LHFPL3: variants seen among roughly 807,000 people sequenced by gnomAD.
The protein encoded by LHFPL3 is LHFPL tetraspan subfamily member 3 protein.
In LHFPL3, 5 loss-of-function variants were observed where a neutral mutation model predicts 19.3. The ratio of observed to expected loss-of-function variants is 0.26; its 90% CI spans 0.14 to 0.54. The LOEUF is 0.54. LHFPL3 is among the 20% of genes least tolerant of loss of function. LHFPL3 has a pLI of 0.94. For missense variants in LHFPL3, 249 were observed against 307.4 expected, an observed-to-expected ratio of 0.81 and a Z score of 1.42; for synonymous variants, 133 against 126.2, an observed-to-expected ratio of 1.05 and a Z score of -0.36.
intron 2 of LHFPL3, among the ~76,000 whole-genome samples, chr7:104,795,841 A>G (rs1241716763): frequency 1.3e-5 from 2 of 152,172 alleles, no homozygotes; most frequent in African/African-American, 4.8e-5. Flanking sequence ...GACTTCCCCC[A>G]AACTACTTGA....
At chr7:104,484,478 G>A (rs551487042) in intron 1 of LHFPL3, among the ~76,000 whole-genome samples, 3 of 152,300 alleles carry the variant, frequency 2.0e-5, no homozygotes, top group East Asian at 3.9e-4. Context: ...AATCAATGGG[G>A]TATGTTTTCT....
chr7:104,398,040 ATTATC>A (rs766106232), intron 1 of LHFPL3, among the ~76,000 whole-genome samples: 51 of 148,376 alleles, frequency 3.4e-4, no homozygotes, highest in Non-Finnish European at 5.6e-4. Context: ...TGACATGGGT[ATTATC>A]TTCTATGCAT....
intron 1 of LHFPL3, among the ~76,000 whole-genome samples, chr7:104,431,447 A>G (rs535868812): frequency 4.3e-4 from 65 of 152,300 alleles, no homozygotes; most frequent in African/African-American, 1.5e-3. Flanking sequence ...GTTTTGAGTC[A>G]TATTCTTTTG....
intron 1 of LHFPL3, among the ~76,000 whole-genome samples, chr7:104,443,615 G>A (rs575778010): frequency 1.3e-5 from 2 of 152,348 alleles, no homozygotes; most frequent in East Asian, 3.9e-4. Context: ...ACAAGGACAT[G>A]TAGCTGTAAA....
rs1791218302 is a variant in LHFPL3 at position 104,397,653 on chromosome 7, T to A, written c.445+68429T>A. Among the ~76,000 whole-genome samples, 4 of 152,206 alleles carry A rather than the reference T, an allele frequency of 2.6e-5. No homozygotes were observed. The South Asian group carries it at 8.3e-4, about 32-fold the overall frequency. Reference sequence around the variant, plus strand: ...ACTCTAGTGACAGAGGGAGGGACATTTCTTACTCTCCAGCAGCCCGCTTCT... The same window carrying A: ...ACTCTAGTGACAGAGGGAGGGACATATCTTACTCTCCAGCAGCCCGCTTCT... On this transcript the variant is annotated intron_variant, in intron 1 of 2. Coordinates refer to ENST00000424859, the MANE Select transcript of LHFPL3 (RefSeq NM_199000.3).
At chr7:104,459,608 C>G (rs530016296) in intron 1 of LHFPL3, among the ~76,000 whole-genome samples, 1 of 152,302 alleles carries the variant, frequency 6.6e-6, no homozygotes, top group South Asian at 2.1e-4. Context: ...TTGTTCCTAG[C>G]TGTGTAACAC....
intron 1 of LHFPL3, among the ~76,000 whole-genome samples, chr7:104,334,286 C>G (rs1383258492): frequency 6.6e-6 from 1 of 152,202 alleles, no homozygotes; most frequent in East Asian, 1.9e-4. Flanking sequence ...GTGGCTCACA[C>G]CTGTAATCGC....
chr7:104,555,531 C>T (rs1235896215), intron 1 of LHFPL3, among the ~76,000 whole-genome samples: 1 of 152,202 alleles, frequency 6.6e-6, no homozygotes, highest in Admixed American at 6.5e-5. Flanking sequence ...TTCACTATCA[C>T]AAGAACAGCA....
At chr7:104,906,071 T>C (rs904255864) in intron 2 of LHFPL3, 116 bp from the exon 3 acceptor site, 1 of 935,944 alleles carries the variant, frequency 1.1e-6, no homozygotes, top group Middle Eastern at 2.2e-4. Flanking sequence ...TTTGAACCAT[T>C]CATTGGTATA....
intron 1 of LHFPL3, among the ~76,000 whole-genome samples, chr7:104,652,797 C>T (rs986556617): frequency 6.6e-6 from 1 of 152,080 alleles, no homozygotes; most frequent in African/African-American, 2.4e-5. Context: ...TAGGGAAGAG[C>T]GTCTAGGGAA....
intron 1 of LHFPL3, among the ~76,000 whole-genome samples, chr7:104,364,625 G>A (rs1790450801): frequency 6.6e-6 from 1 of 152,190 alleles, no homozygotes; most frequent in Non-Finnish European, 1.5e-5. Context: ...GAAAGGATAG[G>A]GTGTTAGGAG....
intron 2 of LHFPL3, among the ~76,000 whole-genome samples, chr7:104,776,700 T>C (rs1460769609): frequency 6.6e-6 from 1 of 152,236 alleles, no homozygotes; most frequent in East Asian, 1.9e-4. Context: ...AAAGTATTCA[T>C]ACTGGCATAT....
At chr7:104,551,861 G>T (rs935525338) in intron 1 of LHFPL3, among the ~76,000 whole-genome samples, 1 of 152,190 alleles carries the variant, frequency 6.6e-6, no homozygotes, top group Admixed American at 6.5e-5. Flanking sequence ...TACAAGAGGA[G>T]ATCCTTATTT....
intron 1 of LHFPL3, among the ~76,000 whole-genome samples, chr7:104,366,906 TAAATC>T (rs915182463): frequency 3.9e-5 from 6 of 152,244 alleles, no homozygotes; most frequent in African/African-American, 1.2e-4. Context: ...AAAGAAAAAA[TAAATC>T]AAACAGCCAG....
chr7:104,806,661 G>A (rs901586160), intron 2 of LHFPL3, among the ~76,000 whole-genome samples: 6 of 152,030 alleles, frequency 3.9e-5, no homozygotes, highest in African/African-American at 1.2e-4. Context: ...AAATTCTGTT[G>A]ACAATTCTAG....
intron 1 of LHFPL3, among the ~76,000 whole-genome samples, chr7:104,509,316 G>C (rs2115762878): frequency 6.6e-6 from 1 of 151,620 alleles, no homozygotes; most frequent in Non-Finnish European, 1.5e-5. Context: ...CACTTCTCAT[G>C]AATATCAACT....
In LHFPL3 at chr7:104,794,480, C is replaced by T. The variant is rs113455736; in HGVS notation, c.682+57569C>T. ...TGTTGATAGCAAAGAAGTAGAATTACGGTGGCTGTCAGTGTGAGCCCTACT... is the reference window on the plus strand; with the variant it reads ...TGTTGATAGCAAAGAAGTAGAATTATGGTGGCTGTCAGTGTGAGCCCTACT... On this transcript the variant is annotated intron_variant, in intron 2 of 2. Transcript: ENST00000424859. 2.0e-4 allele frequency among the ~76,000 whole-genome samples: 31 copies of T among 152,274 alleles called. 1 individual carries two copies. The highest frequency in any genetic ancestry group is 6.7e-4 in the African/African-American group (28 of 41,552).
intron 1 of LHFPL3, among the ~76,000 whole-genome samples, chr7:104,421,489 C>T (rs1204843871): frequency 6.6e-6 from 1 of 152,044 alleles, no homozygotes; most frequent in Non-Finnish European, 1.5e-5. Flanking sequence ...GGGAAAAAGT[C>T]ACTGGAAAGG....
chr7:104,840,308 C>CCT (rs1554350083), intron 2 of LHFPL3, among the ~76,000 whole-genome samples: 3 of 118,376 alleles, frequency 2.5e-5, no homozygotes, highest in African/African-American at 9.6e-5. Flanking sequence ...TGTGGGTTTT[C>CCT]TTTTTTTTTT....
Sources: allele counts gnomAD v4.1 joint callset (sites outside exome capture counted in the v4.1 genomes callset), GRCh38; gene constraint gnomAD v4.1.1; transcripts MANE v1.5; gene names NCBI Gene and HGNC (gene_info 2026-07-23, HGNC 2026-07-21).